Variants in MARF1 observed in about 807,000 individuals in gnomAD.
The protein encoded by MARF1 is limkain-b1.
MARF1 carries 24 observed loss-of-function variants against 168.2 expected under a neutral mutation model. That is an observed-to-expected ratio of 0.14 (90% CI 0.10 to 0.20). The LOEUF (loss-of-function observed/expected upper bound fraction) is 0.20, where lower values mean the gene tolerates loss of function less well. MARF1 is among the 10% of genes least tolerant of loss of function. MARF1 has a pLI of 1.00. For synonymous variants in MARF1, 868 were observed against 822.4 expected (o/e 1.06, Z -0.95); for missense variants, 1,744 against 2,143.6 (o/e 0.81, Z 3.68).
chr16:15,640,993 A>T (rs2035911992), intron 1 of MARF1, among the ~76,000 whole-genome samples: 1 of 152,188 alleles, frequency 6.6e-6, no homozygotes, highest in Admixed American at 6.6e-5. Flanking sequence ...TACTAGAGAG[A>T]CTGAGGTAGG....
In MARF1 at chr16:15,596,801, G is replaced by C; in HGVS notation, c.5121C>G (p.Ser1707=). Residue 1707 remains serine (S), a synonymous_variant, in exon 27 of 27, where the codon TCC becomes TCG. Transcript: ENST00000396368. ...CGGGGTCCTTGCTGAGCAGTGACTC[G>C]GAGGTTTCCGAGGAGGGGCAGGGAG... ...PVPPCPSSET[S]ESLLSKDPVE... The C allele has an allele frequency of 1.2e-6, 2 of 1,614,128 alleles. No homozygotes were observed. The highest frequency in any genetic ancestry group is 1.7e-6 in the Non-Finnish European group (2 of 1,179,984).
intron 11 of MARF1, 75 bp downstream of exon 11, chr16:15,622,859 T>A: frequency 8.1e-7 from 1 of 1,239,700 alleles, no homozygotes. Context: ...TGGTTATGTA[T>A]ATCAAATTAG....
At chr16:15,622,426 C>T (rs951565462) in intron 11 of MARF1, among the ~76,000 whole-genome samples, 6 of 151,266 alleles carry the variant, frequency 4.0e-5, no homozygotes, top group Non-Finnish European at 8.8e-5. Flanking sequence ...GAGTCTCACT[C>T]TGTCTCCCAG....
rs1380644454 is a variant in MARF1 at position 15,636,137 on chromosome 16, C to T, written c.350G>A (p.Gly117Asp). 6.2e-7 allele frequency: 1 copy of T among 1,614,116 alleles called. No individual in the cohort carries two copies. Among genetic ancestry groups the T allele is most frequent in the Non-Finnish European group, 8.5e-7 (1 of 1,180,046 alleles). ...NEPSTSPMRF[G>D]GGGGGSGGTS... is the part of the protein sequence containing the mutation. ...ACCTCCGCTACCGCCACCACCACCA[C>T]CAAAACGCATTGGCGAAGTGGAGGG... is the stretch of plus-strand genomic sequence containing the variant. Residue 117 changes from glycine to aspartate, a missense_variant, in exon 3 of 27, where the codon GGT (glycine) becomes GAT (aspartate). By Grantham distance (94) the Gly-to-Asp change is moderately conservative. Around this residue, in one of 7 missense-constraint regions of MARF1, gnomAD observed 318 missense variants for 336.6 expected, o/e 0.94. Coordinates refer to ENST00000396368, the MANE Select transcript of MARF1 (RefSeq NM_014647.4).
rs900589614 is a variant in MARF1, at chr16:15,612,845, C to A, written c.3254-68G>T. On this transcript the variant is annotated intron_variant, in intron 16 of 26. Coordinates refer to ENST00000396368, the MANE Select transcript of MARF1 (RefSeq NM_014647.4). The stretch of plus-strand genomic sequence containing the variant: ...CACCAGCTGAAAGAAGGGAAAATGG[C>A]CCTGCAGTCCCTGGCTTGAGTTCGA... The A allele has an allele frequency of 3.8e-6, 5 of 1,298,826 alleles. No homozygotes were observed. In the African/African-American group the frequency reaches 7.3e-5, roughly 19 times the overall value. The allele number at this position is 1,298,826 out of a possible 1,614,324, so 80.5% of individuals were successfully genotyped here. A position where few individuals can be genotyped will look rare whatever the true frequency, so the allele number is the denominator to read the frequency against.
intron 25 of MARF1, among the ~76,000 whole-genome samples, chr16:15,599,615 T>G (rs1044910650): frequency 4.6e-5 from 7 of 152,246 alleles, no homozygotes; most frequent in South Asian, 2.1e-4. Context: ...CCGCATGTTA[T>G]GAAGACAAAA....
Position 15,600,434 on chromosome 16 carries a change from C to A in MARF1, c.4807G>T (p.Gly1603Cys), listed in dbSNP as rs373055067. 7 of 1,614,164 alleles carry A rather than the reference C, an allele frequency of 4.3e-6. No homozygotes were observed. The African/African-American group carries it at 9.3e-5, about 22-fold the overall frequency. The change falls in exon 25 of 27, where the codon GGC becomes TGC. Residue 1603 changes from glycine to cysteine, a missense_variant. Physicochemically the swap from Gly to Cys is radical, Grantham distance 159. Coordinates refer to ENST00000396368, the MANE Select transcript of MARF1 (RefSeq NM_014647.4). ...TASELKLGAD[G>C]SGPSHTEQEL... ...TCTGCTTTTCCTCTCTTACCACTGC[C>A]GTCAGCTCCAAGCTTGAGTTCCGAG...
chr16:15,602,876 G>C (rs912612606), intron 22 of MARF1: 5 of 292,908 alleles, frequency 1.7e-5, no homozygotes, highest in Non-Finnish European at 3.4e-5. Flanking sequence ...ACTGTGATAA[G>C]AGGATGACAC....
chr16:15,612,291 T>G (rs752521950), intron 17 of MARF1, among the ~76,000 whole-genome samples: 7 of 152,110 alleles, frequency 4.6e-5, no homozygotes, highest in Non-Finnish European at 1.0e-4. Context: ...GAGAAAGCTG[T>G]GCTGGGATGA....
intron 10 of MARF1, 44 bp downstream of exon 10, chr16:15,624,725 C>G (rs999927580): frequency 6.4e-7 from 1 of 1,556,488 alleles, no homozygotes; most frequent in African/African-American, 1.4e-5. Context: ...ATAATCCTTC[C>G]TATTACATGT....
At chr16:15,608,138 T>C (rs1288104202) in intron 21 of MARF1, among the ~76,000 whole-genome samples, 153 bp downstream of exon 21, 1 of 151,508 alleles carries the variant, frequency 6.6e-6, no homozygotes, top group Non-Finnish European at 1.5e-5. Flanking sequence ...TAAGCACTAA[T>C]GACACAAAAC....
chr16:15,636,115 T>C lies in MARF1; in HGVS notation c.372A>G (p.Gly124=), dbSNP rs1156389136. The C allele has an allele frequency of 6.2e-7, 1 of 1,614,166 alleles. No individual in the cohort carries two copies. The highest frequency in any genetic ancestry group is 1.1e-5 in the South Asian group (1 of 91,086). The part of the protein sequence containing the change: ...MRFGGGGGGS[G]GTSSLIHPGA... ...CCGGGTGAATCAAGCTACTGGTACC[T>C]CCGCTACCGCCACCACCACCACCAA... is the stretch of plus-strand genomic sequence containing the variant. Residue 124 remains glycine (G), a synonymous_variant, in exon 3 of 27, where the codon GGA becomes GGG. Transcript: ENST00000396368.
At chr16:15,610,927 A>G (rs1235301937) in intron 19 of MARF1, 48 bp downstream of exon 19, 4 of 1,577,544 alleles carry the variant, frequency 2.5e-6, no homozygotes, top group Admixed American at 1.7e-5. Context: ...CTATGTTAAA[A>G]TAACAGGAGA....
chr16:15,622,875 CT>C, intron 11 of MARF1, 58 bp downstream of exon 11: 1 of 1,412,770 alleles, frequency 7.1e-7, no homozygotes. Flanking sequence ...ATTAGGTCCT[CT>C]TGACTAGAGA....
chr16:15,612,450 G>A, intron 17 of MARF1, 107 bp downstream of exon 17: 1 of 974,460 alleles, frequency 1.0e-6, no homozygotes, highest in South Asian at 1.4e-5. Context: ...TGGATGTTCT[G>A]CCCAGAACTG....
chr16:15,630,973 A>G (rs1255316493), intron 6 of MARF1, among the ~76,000 whole-genome samples: 1 of 152,062 alleles, frequency 6.6e-6, no homozygotes, highest in Non-Finnish European at 1.5e-5. Flanking sequence ...TCTACTAAAA[A>G]TACAAAATTA....
chr16:15,621,798 A>G lies in MARF1; in HGVS notation c.2574T>C (p.Ile858=), dbSNP rs2034478824. The part of the protein sequence containing the change: ...GAVNSLHRYK[I]GSKKILVSLA... ...GTGAGACCAGGATCTTTTTGCTGCC[A>G]ATTTTGTATCTGTGGAGGCTATTCA... Residue 858 remains isoleucine, a synonymous_variant, in exon 12 of 27, where the codon ATT becomes ATC. Coordinates refer to ENST00000396368, the MANE Select transcript of MARF1 (RefSeq NM_014647.4). 1 of 1,614,074 alleles carries G rather than the reference A, an allele frequency of 6.2e-7. No homozygotes were observed. The highest frequency in any genetic ancestry group is 1.1e-5 in the South Asian group (1 of 91,074).
In MARF1 at chr16:15,609,720, T is replaced by C; in HGVS notation, c.3757A>G (p.Thr1253Ala). 1 of 1,612,744 alleles carries C rather than the reference T, an allele frequency of 6.2e-7. No individual in the cohort carries two copies. Among genetic ancestry groups the C allele is most frequent in the Non-Finnish European group, 8.5e-7 (1 of 1,179,312 alleles). ...MVICIPKRERTQDEIERTKQF... is the reference protein window; with the variant it reads ...MVICIPKRERAQDEIERTKQF... ...TTTGTCCTTTCTATTTCATCCTGAG[T>C]GCGTTCTTTTAAAAAAACCAAAAAA... Residue 1253 changes from threonine (T) to alanine (A), a missense_variant, in exon 20 of 27, where the codon ACT (threonine) becomes GCT (alanine). Thr to Ala is a moderately conservative substitution (Grantham distance 58, BLOSUM62 0). This residue lies in a region of MARF1 where 543 missense variants were observed against 742.1 expected (regional missense o/e 0.73). Transcript: ENST00000396368.
intron 18 of MARF1, 113 bp from the exon 19 acceptor site, chr16:15,611,221 G>A (rs1240681537): frequency 4.3e-5 from 43 of 995,752 alleles, no homozygotes; most frequent in Admixed American, 3.7e-4. Flanking sequence ...CACTTTGGGA[G>A]GCCGAGGTGG....
Sources: gnomAD v4.1 joint callset for allele counts (sites outside exome capture counted in the v4.1 genomes callset) on GRCh38, gnomAD v4.1.1 for gene constraint, gnomAD v4.1.1 regional missense constraint, MANE v1.5 for transcripts, NCBI Gene and HGNC (gene_info 2026-07-23, HGNC 2026-07-21) for gene names.